The following PTPRD variants were observed in gnomAD, a reference collection of about 807,000 sequenced individuals.
The protein encoded by PTPRD is protein tyrosine phosphatase receptor type D, also known as receptor-type tyrosine-protein phosphatase delta.
A neutral mutation model predicts 214.5 loss-of-function variants in PTPRD; 34 were observed. That is an observed-to-expected ratio of 0.16 (90% CI 0.12 to 0.21). The LOEUF (loss-of-function observed/expected upper bound fraction) is 0.21. Among genes scored for constraint, PTPRD ranks in the 10% least tolerant of loss-of-function variants. The probability of loss-of-function intolerance (pLI) is 1.00; values close to 1 mark genes in which losing one functional copy is unlikely to be tolerated. For synonymous variants in PTPRD, 1,128 were observed against 845.7 expected (o/e 1.33, Z -5.79); for missense variants, 2,545 against 2,398.7 (o/e 1.06, Z -1.27).
intron 3 of PTPRD, among the ~76,000 whole-genome samples, chr9:10,107,266 G>C (rs2098643209): frequency 6.6e-6 from 1 of 152,004 alleles, no homozygotes; most frequent in South Asian, 2.1e-4. Context: ...TGTAGAAATG[G>C]ATGGAATCTA....
intron 9 of PTPRD, among the ~76,000 whole-genome samples, chr9:9,378,852 AT>A (rs1418609699): frequency 6.6e-6 from 1 of 151,522 alleles, no homozygotes; most frequent in African/African-American, 2.4e-5. Flanking sequence ...CCACTTTTTA[AT>A]TTTTTCCTAT....
At chr9:10,519,963 A>G (rs750682170) in intron 2 of PTPRD, among the ~76,000 whole-genome samples, 1 of 152,110 alleles carries the variant, frequency 6.6e-6, no homozygotes, top group Non-Finnish European at 1.5e-5. Context: ...CTAATTACCA[A>G]AAACCACCTA....
intron 9 of PTPRD, among the ~76,000 whole-genome samples, chr9:9,199,807 A>G (rs2099940798): frequency 1.3e-5 from 1 of 75,970 alleles, no homozygotes; most frequent in African/African-American, 4.3e-5. Flanking sequence ...AATTATAAAC[A>G]TCATATATAT....
At chr9:9,258,419 G>A (rs911373035) in intron 9 of PTPRD, among the ~76,000 whole-genome samples, 5 of 148,964 alleles carry the variant, frequency 3.4e-5, no homozygotes, top group Admixed American at 6.8e-5. Context: ...TTCATTGCAC[G>A]CTTCTATTAA....
intron 5 of PTPRD, among the ~76,000 whole-genome samples, chr9:9,905,572 CAT>C (rs1278572219): frequency 6.6e-6 from 1 of 151,856 alleles, no homozygotes; most frequent in Non-Finnish European, 1.5e-5. Context: ...TAACTATACA[CAT>C]GTGTTCATAA....
At chr9:8,538,583 G>A (rs1043673948) in intron 14 of PTPRD, among the ~76,000 whole-genome samples, 3 of 151,416 alleles carry the variant, frequency 2.0e-5, no homozygotes, top group Non-Finnish European at 4.4e-5. Context: ...GGAACTAATA[G>A]TGTTGGTGTG....
chr9:9,212,441 T>C (rs1260095525), intron 9 of PTPRD, among the ~76,000 whole-genome samples: 4 of 152,198 alleles, frequency 2.6e-5, no homozygotes, highest in African/African-American at 7.2e-5. Context: ...CCTCACTATT[T>C]AGTCAGTCTG....
chr9:10,278,213 T>C (rs1257724823), intron 3 of PTPRD, among the ~76,000 whole-genome samples: 2 of 151,622 alleles, frequency 1.3e-5, no homozygotes, highest in African/African-American at 4.8e-5. Flanking sequence ...TAGGAACAAA[T>C]ATGAAGAAAG....
chr9:8,685,909 C>T (rs2097671266), intron 12 of PTPRD, among the ~76,000 whole-genome samples: 1 of 152,306 alleles, frequency 6.6e-6, no homozygotes, highest in East Asian at 1.9e-4. Context: ...ATAAAAGACT[C>T]AAGCCAGATT....
chr9:8,365,541 AT>A (rs563325659), intron 39 of PTPRD, among the ~76,000 whole-genome samples: 77 of 152,156 alleles, frequency 5.1e-4, no homozygotes, highest in African/African-American at 1.7e-3. Flanking sequence ...TTCACATTGT[AT>A]TTAGCCAGGC....
At chr9:8,413,023 C>T (rs1001300834) in intron 35 of PTPRD, among the ~76,000 whole-genome samples, 7 of 152,112 alleles carry the variant, frequency 4.6e-5, no homozygotes, top group Non-Finnish European at 7.4e-5. Flanking sequence ...TTAAGAAACA[C>T]TATAAGGAAA....
intron 5 of PTPRD, among the ~76,000 whole-genome samples, chr9:9,879,772 G>T (rs1307154524): frequency 6.6e-6 from 1 of 152,090 alleles, no homozygotes; most frequent in Non-Finnish European, 1.5e-5. Flanking sequence ...TGAAAGGGTG[G>T]AACATTTCTT....
intron 5 of PTPRD, among the ~76,000 whole-genome samples, chr9:9,929,444 A>G (rs1370492567): frequency 6.6e-6 from 1 of 152,154 alleles, no homozygotes; most frequent in African/African-American, 2.4e-5. Flanking sequence ...ACCAGGCTGA[A>G]GTGCAGTGGC....
intron 3 of PTPRD, among the ~76,000 whole-genome samples, chr9:10,040,543 C>G (rs1309293010): frequency 1.3e-5 from 2 of 152,004 alleles, no homozygotes; most frequent in African/African-American, 4.8e-5. Context: ...TCTCAACAGA[C>G]TATCCAGCTA....
At chr9:10,339,227 T>A (rs559077665) in intron 3 of PTPRD, among the ~76,000 whole-genome samples, 1 of 151,936 alleles carries the variant, frequency 6.6e-6, no homozygotes, top group East Asian at 1.9e-4. Flanking sequence ...GACCACTTTC[T>A]TCTATAAGTG....
intron 14 of PTPRD, among the ~76,000 whole-genome samples, chr9:8,585,571 C>G (rs2093583250): frequency 6.6e-6 from 1 of 152,204 alleles, no homozygotes; most frequent in African/African-American, 2.4e-5. Context: ...CATGACAACT[C>G]TGTACCATAC....
intron 4 of PTPRD, among the ~76,000 whole-genome samples, chr9:9,951,141 T>C (rs536004707): frequency 3.3e-5 from 5 of 152,242 alleles, no homozygotes; most frequent in East Asian, 1.9e-4. Context: ...AATATGTATA[T>C]GTAGCCCTTT....
At chr9:8,628,362 G>A (rs1189861527) in intron 14 of PTPRD, among the ~76,000 whole-genome samples, 2 of 151,762 alleles carry the variant, frequency 1.3e-5, no homozygotes, top group Admixed American at 6.6e-5. Context: ...CTGCCATAAT[G>A]GCTTACATTT....
chr9:8,884,355 T>C (rs2098469643), intron 11 of PTPRD, among the ~76,000 whole-genome samples: 1 of 152,120 alleles, frequency 6.6e-6, no homozygotes, highest in Admixed American at 6.5e-5. Context: ...ACTGCAGGCA[T>C]TGGGAAGCCT....
Sources: gnomAD v4.1 joint callset for allele counts (sites outside exome capture counted in the v4.1 genomes callset) on GRCh38, gnomAD v4.1.1 for gene constraint, MANE v1.5 for transcripts, NCBI Gene and HGNC (gene_info 2026-07-23, HGNC 2026-07-21) for gene names.